DNAJC1: variants seen among roughly 807,000 people sequenced by gnomAD.
DNAJC1 encodes the protein DnaJ heat shock protein family (Hsp40) member C1.
DNAJC1 carries 58 observed loss-of-function variants against 76.6 expected under a neutral mutation model. The ratio of observed to expected loss-of-function variants is 0.76; its 90% CI spans 0.61 to 0.94. DNAJC1 has a LOEUF of 0.94. DNAJC1 is among the 40% of genes least tolerant of loss of function. The pLI is 0.00. For synonymous variants in DNAJC1, 258 were observed against 267.9 expected, an observed-to-expected ratio of 0.96 and a Z score of 0.36; for missense variants, 689 against 677.3, an observed-to-expected ratio of 1.02 and a Z score of -0.19.
intron 6 of DNAJC1, among the ~76,000 whole-genome samples, chr10:21,908,364 G>A (rs1027097926): frequency 7.0e-6 from 1 of 142,758 alleles, no homozygotes; most frequent in African/African-American, 2.6e-5. Flanking sequence ...AAGAAACCAC[G>A]TGGCTATTCT....
chr10:21,984,709 C>T (rs1253656417), intron 1 of DNAJC1, among the ~76,000 whole-genome samples: 1 of 152,134 alleles, frequency 6.6e-6, no homozygotes, highest in Non-Finnish European at 1.5e-5. Flanking sequence ...TATTTGGGAA[C>T]TTTTCTAGAA....
At chr10:21,869,461 T>C (rs540525115) in intron 8 of DNAJC1, among the ~76,000 whole-genome samples, 1 of 152,200 alleles carries the variant, frequency 6.6e-6, no homozygotes, top group South Asian at 2.1e-4. Flanking sequence ...GCTAAACCAA[T>C]GTATACCTTA....
chr10:21,846,723 C>G (rs879524896), intron 8 of DNAJC1, among the ~76,000 whole-genome samples: 2 of 152,000 alleles, frequency 1.3e-5, no homozygotes, highest in Admixed American at 6.6e-5. Context: ...CACTATATCC[C>G]AAGTATCAAA....
intron 9 of DNAJC1, among the ~76,000 whole-genome samples, chr10:21,798,505 C>T (rs569992576): frequency 6.6e-6 from 1 of 152,278 alleles, no homozygotes; most frequent in South Asian, 2.1e-4. Context: ...CTTGTTGGGC[C>T]TTGCAAACCC....
intron 1 of DNAJC1, among the ~76,000 whole-genome samples, chr10:22,000,562 T>A (rs1055181088): frequency 1.3e-5 from 2 of 152,226 alleles, no homozygotes; most frequent in Non-Finnish European, 2.9e-5. Flanking sequence ...CCTCCTGGCC[T>A]TTGTGCTTAC....
intron 8 of DNAJC1, among the ~76,000 whole-genome samples, chr10:21,838,645 A>G (rs1238956999): frequency 1.3e-5 from 2 of 152,162 alleles, no homozygotes; most frequent in Non-Finnish European, 2.9e-5. Flanking sequence ...AAAAAAAATA[A>G]TAATGGGAGA....
At chr10:21,975,688 C>G (rs1838050776) in intron 1 of DNAJC1, among the ~76,000 whole-genome samples, 1 of 152,176 alleles carries the variant, frequency 6.6e-6, no homozygotes, top group South Asian at 2.1e-4. Flanking sequence ...GTGTTAGGAC[C>G]AAATGCAATT....
intron 8 of DNAJC1, among the ~76,000 whole-genome samples, chr10:21,878,236 T>C (rs879269855): frequency 3.3e-5 from 5 of 152,186 alleles, no homozygotes; most frequent in Non-Finnish European, 7.3e-5. Context: ...CCCAGATAGA[T>C]CACATTTTCT....
intron 8 of DNAJC1, among the ~76,000 whole-genome samples, chr10:21,878,957 T>C (rs924621886): frequency 1.3e-5 from 2 of 152,212 alleles, no homozygotes; most frequent in African/African-American, 4.8e-5. Flanking sequence ...CAATGAAAAT[T>C]ACTGCTATAT....
chr10:21,806,692 C>G (rs534022964), intron 8 of DNAJC1, among the ~76,000 whole-genome samples: 3 of 151,564 alleles, frequency 2.0e-5, no homozygotes, highest in Non-Finnish European at 4.4e-5. Context: ...TTTAGCTTGT[C>G]AAATGTCACT....
intron 8 of DNAJC1, among the ~76,000 whole-genome samples, chr10:21,855,071 C>CT (rs1185500013): frequency 1.3e-5 from 2 of 152,044 alleles, no homozygotes; most frequent in Non-Finnish European, 1.5e-5. Context: ...TAAGATCTGA[C>CT]TTTTTTTGTA....
At chr10:21,977,438 C>T (rs1235969756) in intron 1 of DNAJC1, among the ~76,000 whole-genome samples, 1 of 152,000 alleles carries the variant, frequency 6.6e-6, no homozygotes, top group African/African-American at 2.4e-5. Flanking sequence ...AAATATGAAT[C>T]AAAATAACAA....
intron 10 of DNAJC1, among the ~76,000 whole-genome samples, chr10:21,764,913 T>G (rs1834279763): frequency 6.6e-6 from 1 of 152,208 alleles, no homozygotes; most frequent in Admixed American, 6.5e-5. Context: ...TTCTGGTGCC[T>G]TCTCTCAGCC....
intron 7 of DNAJC1, among the ~76,000 whole-genome samples, chr10:21,887,199 T>A (rs1185242006): frequency 6.6e-6 from 1 of 152,094 alleles, no homozygotes; most frequent in Non-Finnish European, 1.5e-5. Context: ...GAAAGAGTTC[T>A]ATGACGAGAA....
intron 9 of DNAJC1, among the ~76,000 whole-genome samples, chr10:21,787,289 T>C (rs747848873): frequency 1.3e-5 from 2 of 150,640 alleles, no homozygotes; most frequent in Admixed American, 1.3e-4. Context: ...GATCATGCCA[T>C]TGCACTCCAG....
chr10:21,884,513 A>G (rs1192025225), intron 7 of DNAJC1, among the ~76,000 whole-genome samples: 4 of 152,166 alleles, frequency 2.6e-5, no homozygotes, highest in African/African-American at 9.6e-5. Context: ...ATCCATTAAA[A>G]TTAACATATA....
chr10:21,975,653 C>CA (rs1438272988), intron 1 of DNAJC1, among the ~76,000 whole-genome samples: 3 of 147,946 alleles, frequency 2.0e-5, no homozygotes, highest in Non-Finnish European at 4.5e-5. Flanking sequence ...TACTTACTGT[C>CA]CCTCTGTTAG....
chr10:21,919,706 C>T, intron 5 of DNAJC1, 126 bp downstream of exon 5: 1 of 602,528 alleles, frequency 1.7e-6, no homozygotes, highest in Non-Finnish European at 2.7e-6. Flanking sequence ...CATTATTAGT[C>T]TTTTATAAGA....
chr10:21,838,038 C>T (rs190814132), intron 8 of DNAJC1, among the ~76,000 whole-genome samples: 4,847 of 145,084 alleles, frequency 0.033, 115 homozygotes, highest in Non-Finnish European at 0.049. Context: ...CTGCCCCGTC[C>T]GGGAGGTGGG....
Sources: gnomAD v4.1 joint callset for allele counts (sites outside exome capture counted in the v4.1 genomes callset) on GRCh38, gnomAD v4.1.1 for gene constraint, MANE v1.5 for transcripts, NCBI Gene and HGNC (gene_info 2026-07-23, HGNC 2026-07-21) for gene names.